OBP2B: variants seen among roughly 807,000 people sequenced by gnomAD.
The protein encoded by OBP2B is odorant binding protein 2B, also known as odorant-binding protein 2b.
Under a neutral mutation model 21.7 loss-of-function variants are expected in OBP2B, and 10 were observed. The observed-to-expected ratio is 0.46, with a 90% CI of 0.28 to 0.78. The LOEUF (loss-of-function observed/expected upper bound fraction) is 0.78, where lower values mean the gene tolerates loss of function less well. OBP2B is among the 30% of genes least tolerant of loss of function. OBP2B has a pLI of 0.11. For missense variants in OBP2B, 153 were observed against 217.7 expected (o/e 0.70, Z 1.87); for synonymous variants, 73 against 91.5 (o/e 0.80, Z 1.16).
chr9:133,207,716 C>G (rs2119395154), intron 3 of OBP2B: 1 of 613,562 alleles, frequency 1.6e-6, no homozygotes, highest in Admixed American at 2.3e-5. Context: ...ATCCCTAACC[C>G]TCAGCTTCCC....
the OBP2B span, among the ~76,000 whole-genome samples, chr9:133,215,727 C>CAGATGCAT: frequency 1.3e-5 from 2 of 152,200 alleles, no homozygotes; most frequent in Non-Finnish European, 2.9e-5. Flanking sequence ...AGCAGATGGA[C>CAGATGCAT]AGATGCATAG....
the OBP2B span, among the ~76,000 whole-genome samples, chr9:133,221,738 T>C: frequency 6.6e-6 from 1 of 152,106 alleles, no homozygotes; most frequent in Admixed American, 6.5e-5. Flanking sequence ...AAAATCAGAC[T>C]CCATATTTAA....
At chr9:133,214,482 A>G in the OBP2B span, among the ~76,000 whole-genome samples, 1 of 152,246 alleles carries the variant, frequency 6.6e-6, no homozygotes, top group African/African-American at 2.4e-5. Context: ...ATGGTGCAGG[A>G]GGATGTTGGT....
At chr9:133,216,609 A>ACACAGACAT in the OBP2B span, among the ~76,000 whole-genome samples, 1 of 152,204 alleles carries the variant, frequency 6.6e-6, no homozygotes, top group African/African-American at 2.4e-5. Flanking sequence ...AAATCTATAA[A>ACACAGACAT]CACAGACATC....
Position 133,208,191 on chromosome 9 carries a change from C to G in OBP2B, c.219G>C (p.Arg73Ser). ...EATFTFMRED[R>S]CIQKKILMRK... is the part of the protein sequence containing the mutation. ...GCATCAGGATTTTCTTCTGGATGCA[C>G]CTATCCTCCCTCCTGGAAAACAGGA... The change falls in exon 3 of 7, where the codon AGG becomes AGC. Residue 73 changes from arginine to serine, a missense_variant. Coordinates refer to ENST00000372034, the MANE Select transcript of OBP2B (RefSeq NM_014581.4). 6.2e-7 allele frequency: 1 copy of G among 1,611,866 alleles called. No homozygotes were observed.
intron 5 of OBP2B, 68 bp downstream of exon 5, chr9:133,206,247 A>G: frequency 6.6e-7 from 1 of 1,514,304 alleles, no homozygotes; most frequent in East Asian, 2.3e-5. Flanking sequence ...CATGGGGGTC[A>G]TGGGACACTG....
rs147710990 is a variant in OBP2B at position 133,208,556 on chromosome 9, A to G, written c.119T>C (p.Phe40Ser). Residue 40 changes from phenylalanine to serine, a missense_variant, in exon 2 of 7, where the codon TTT becomes TCT. Coordinates refer to ENST00000372034, the MANE Select transcript of OBP2B (RefSeq NM_014581.4). ...YVKAMVVDKD[F>S]PEDRRPRKVS... ...CTTCCTGGGCCTCCTGTCCTCCGGA[A>G]AGTCCTTATCGACCACCATGGCCTT... The G allele has an allele frequency of 1.7e-5, 28 of 1,612,992 alleles. No individual in the cohort carries two copies. The African/African-American group carries it at 2.9e-4, about 17-fold the overall frequency.
At chr9:133,218,595 C>T in the OBP2B span, among the ~76,000 whole-genome samples, 2 of 152,182 alleles carry the variant, frequency 1.3e-5, no homozygotes, top group Middle Eastern at 3.2e-3. Flanking sequence ...GGGAAACTGG[C>T]CCCCAGGTGC....
intron 3 of OBP2B, 81 bp from the exon 4 acceptor site, chr9:133,207,417 G>C: frequency 2.1e-6 from 2 of 955,718 alleles, no homozygotes; most frequent in East Asian, 2.6e-5. Flanking sequence ...ATGTTTCAGC[G>C]GTCACCCAGG....
chr9:133,216,690 G>A, the OBP2B span, among the ~76,000 whole-genome samples: 2 of 151,784 alleles, frequency 1.3e-5, no homozygotes, highest in African/African-American at 4.8e-5. Flanking sequence ...AAGTAAAATG[G>A]AATAAACTAT....
At chr9:133,215,069 C>A in the OBP2B span, among the ~76,000 whole-genome samples, 3 of 152,114 alleles carry the variant, frequency 2.0e-5, no homozygotes, top group Admixed American at 2.0e-4. Flanking sequence ...AACTATTAAG[C>A]GAGTTCAGCA....
At chr9:133,211,840 T>A (rs1833920220), upstream of OBP2B, among the ~76,000 whole-genome samples, 1 of 152,196 alleles carries the variant, frequency 6.6e-6, no homozygotes, top group Non-Finnish European at 1.5e-5. Context: ...CCTATAAAAA[T>A]AATACAAACT....
chr9:133,214,705 A>C, the OBP2B span, among the ~76,000 whole-genome samples: 1 of 152,370 alleles, frequency 6.6e-6, no homozygotes, highest in South Asian at 2.1e-4. Context: ...AGCACTGCTC[A>C]CAGAAGTGCC....
At chr9:133,222,488 G>A in the OBP2B span, among the ~76,000 whole-genome samples, 1 of 152,236 alleles carries the variant, frequency 6.6e-6, no homozygotes, top group Non-Finnish European at 1.5e-5. Flanking sequence ...AGCACTTTGG[G>A]AGGCATAGGT....
upstream of OBP2B, among the ~76,000 whole-genome samples, chr9:133,213,691 A>G (rs1833943086): frequency 6.6e-6 from 1 of 152,234 alleles, no homozygotes; most frequent in African/African-American, 2.4e-5. Flanking sequence ...ATTTGACAAC[A>G]TAGGTGAAAT....
chr9:133,207,752 CTAACCCTCAGCCTCCCCATCCT>C (rs1564286133), intron 3 of OBP2B: 3 of 918,746 alleles, frequency 3.3e-6, no homozygotes, highest in South Asian at 2.8e-5. Context: ...GCCCCCGTCC[CTAACCCTCAGCCTCCCCATCCT>C]TAACCCTCAG....
intron 3 of OBP2B, 122 bp from the exon 4 acceptor site, chr9:133,207,458 G>T (rs1423249313): frequency 1.5e-5 from 10 of 669,580 alleles, no homozygotes; most frequent in South Asian, 3.6e-5. Context: ...AGGCCTGGCT[G>T]CTCCGCACAG....
At chr9:133,216,446 G>A in the OBP2B span, among the ~76,000 whole-genome samples, 1 of 151,712 alleles carries the variant, frequency 6.6e-6, no homozygotes, top group Non-Finnish European at 1.5e-5. Flanking sequence ...GAGGATGCAT[G>A]GAAACTGGAC....
chr9:133,208,238 A>T, intron 2 of OBP2B, 35 bp from the exon 3 acceptor site: 1 of 1,611,378 alleles, frequency 6.2e-7, no homozygotes, highest in Non-Finnish European at 8.5e-7. Flanking sequence ...AGCGGCTCCC[A>T]GGACACCCAT....
Sources: gnomAD v4.1 joint callset for allele counts (sites outside exome capture counted in the v4.1 genomes callset) on GRCh38, gnomAD v4.1.1 for gene constraint, MANE v1.5 for transcripts, NCBI Gene and HGNC (gene_info 2026-07-23, HGNC 2026-07-21) for gene names.